Variants in SMYD3 observed in about 807,000 individuals in gnomAD.
SMYD3 encodes SET and MYND domain containing 3.
In SMYD3, 36 loss-of-function variants were observed where a neutral mutation model predicts 57.7. That is an observed-to-expected ratio of 0.62 (90% CI 0.48 to 0.82). The LOEUF is 0.82. SMYD3 is among the 40% of genes least tolerant of loss of function. The probability of loss-of-function intolerance (pLI) is 0.00; values close to 1 mark genes in which losing one functional copy is unlikely to be tolerated. For synonymous variants in SMYD3, 211 were observed against 195.0 expected (o/e 1.08, Z -0.68); for missense variants, 515 against 538.8 (o/e 0.96, Z 0.44).
At chr1:245,775,805 A>G (rs1182092344) in intron 10 of SMYD3, among the ~76,000 whole-genome samples, 4 of 152,210 alleles carry the variant, frequency 2.6e-5, no homozygotes, top group Non-Finnish European at 5.9e-5. Flanking sequence ...GATAAAGATG[A>G]AATAAAAATA....
intron 5 of SMYD3, among the ~76,000 whole-genome samples, chr1:246,101,420 G>A (rs568668548): frequency 6.6e-6 from 1 of 152,170 alleles, no homozygotes; most frequent in African/African-American, 2.4e-5. Flanking sequence ...GCACAAAATG[G>A]CTGTTCCTTC....
chr1:246,507,142 G>T lies in SMYD3; in HGVS notation c.76C>A (p.Pro26Thr), dbSNP rs1053726418. 3 of 1,533,776 alleles carry T rather than the reference G, an allele frequency of 2.0e-6. No individual in the cohort carries two copies. The highest frequency in any genetic ancestry group is 2.6e-6 in the Non-Finnish European group (3 of 1,140,362). ...TCCGAGCGGAAGAGTAGCTCTCCGGGGCGCAGCGGGGTCACGGCGCGCAGC... is the reference window on the plus strand; with the variant it reads ...TCCGAGCGGAAGAGTAGCTCTCCGGTGCGCAGCGGGGTCACGGCGCGCAGC... ...NGLRAVTPLR[P>T]GELLFRSDPL... Residue 26 changes from proline to threonine, a missense_variant, in exon 1 of 12, where the codon CCC becomes ACC. By Grantham distance (38) the Pro-to-Thr change is conservative. Coordinates refer to ENST00000490107, the MANE Select transcript of SMYD3 (RefSeq NM_001167740.2).
At chr1:245,752,370 A>C (rs898399062) in intron 11 of SMYD3, among the ~76,000 whole-genome samples, 1 of 152,110 alleles carries the variant, frequency 6.6e-6, no homozygotes, top group Non-Finnish European at 1.5e-5. Flanking sequence ...GTTGCTCAGA[A>C]TTTCCAGACC....
intron 5 of SMYD3, chr1:246,326,909 AT>A (rs1201929458): frequency 2.4e-6 from 1 of 420,114 alleles, no homozygotes; most frequent in Admixed American, 4.3e-5. Flanking sequence ...GGGATATGCT[AT>A]TTTCTTCTGA....
chr1:245,867,638 ATGTGCATGCGCGTGCG>A lies in SMYD3; in HGVS notation c.814-3768_814-3753del, dbSNP rs954514463. ...GGTGGAACACACGGCAAGAGAAGAT[ATGTGCATGCGCGTGCG>A]TGTGCGTGCGCGCGCACACACACAC... On this transcript the variant is annotated intron_variant, in intron 8 of 11. Transcript: ENST00000490107. 2.9e-3 allele frequency among the ~76,000 whole-genome samples: 276 copies of A among 94,114 alleles called. 1 individual carries two copies. The highest frequency in any genetic ancestry group is 7.0e-3 in the African/African-American group (247 of 35,090). 61.7% of individuals were successfully genotyped at this position (94,114 alleles called of 152,430 possible).
chr1:246,283,211 T>C (rs773744859), intron 5 of SMYD3, among the ~76,000 whole-genome samples: 40 of 152,212 alleles, frequency 2.6e-4, no homozygotes, highest in Non-Finnish European at 4.9e-4. Context: ...GTTCTACAAA[T>C]GTAATCTTGG....
chr1:246,187,926 G>C (rs1211141291), intron 5 of SMYD3, among the ~76,000 whole-genome samples: 1 of 151,636 alleles, frequency 6.6e-6, no homozygotes, highest in Non-Finnish European at 1.5e-5. Flanking sequence ...TCGTATCAAT[G>C]GTCTTGGTGG....
rs11433640 is a variant in SMYD3, at chr1:246,202,013, T to TAA, written c.531+125186_531+125187dup. 8.2e-5 allele frequency among the ~76,000 whole-genome samples: 11 copies of TAA among 134,832 alleles called. No individual in the cohort carries two copies. The highest frequency in any genetic ancestry group is 3.0e-4 in the African/African-American group (11 of 37,072). 88.5% of individuals were successfully genotyped at this position (134,832 alleles called of 152,430 possible). A position where few individuals can be genotyped will look rare whatever the true frequency, so the allele number is the denominator to read the frequency against. ...GGGCAACAGAGACTCTGTCTCAATT[T>TAA]AAAAAAAAAAAACAAAAAAAAGCCA... On this transcript the variant is annotated intron_variant, in intron 5 of 11. Transcript: ENST00000490107. This position sits in a 1 kb window ranked among gnomAD's most constrained non-coding sequence, Gnocchi z 4.1.
chr1:246,475,175 A>G (rs918113967), intron 1 of SMYD3, among the ~76,000 whole-genome samples: 1 of 151,786 alleles, frequency 6.6e-6, no homozygotes, highest in African/African-American at 2.4e-5. Context: ...CGACTAAAAC[A>G]CAAAAAATTA....
chr1:246,211,589 T>C (rs992034469), intron 5 of SMYD3, among the ~76,000 whole-genome samples: 15 of 152,174 alleles, frequency 9.9e-5, no homozygotes, highest in African/African-American at 3.1e-4. Flanking sequence ...ATATTTACCT[T>C]AGGAAAAAGG....
At chr1:246,140,271 G>A (rs1309601814) in intron 5 of SMYD3, among the ~76,000 whole-genome samples, 1 of 152,194 alleles carries the variant, frequency 6.6e-6, no homozygotes, top group Non-Finnish European at 1.5e-5. Flanking sequence ...CTTTGGATGT[G>A]CATTATTTTG....
chr1:245,968,821 A>G (rs1381026592), intron 5 of SMYD3, among the ~76,000 whole-genome samples: 1 of 152,158 alleles, frequency 6.6e-6, no homozygotes, highest in Non-Finnish European at 1.5e-5. Flanking sequence ...TGTAAATTTC[A>G]GCCTTCTCAG....
chr1:246,000,985 C>A (rs1425940720), intron 5 of SMYD3, among the ~76,000 whole-genome samples: 1 of 152,172 alleles, frequency 6.6e-6, no homozygotes, highest in African/African-American at 2.4e-5. Context: ...TCCTTAATTT[C>A]TAAAGTTCTG....
At chr1:246,344,626 C>G (rs1413940631) in intron 2 of SMYD3, among the ~76,000 whole-genome samples, 1 of 152,090 alleles carries the variant, frequency 6.6e-6, no homozygotes, top group South Asian at 2.1e-4. Flanking sequence ...AGTAAGTACA[C>G]CTTTAACATT....
At chr1:246,208,327 T>C (rs1018608947) in intron 5 of SMYD3, among the ~76,000 whole-genome samples, 4 of 152,080 alleles carry the variant, frequency 2.6e-5, no homozygotes, top group Admixed American at 6.5e-5. Context: ...GAGGAGCTGA[T>C]ATGACTGTAA....
At chr1:246,396,682 G>A (rs1360601549) in intron 1 of SMYD3, among the ~76,000 whole-genome samples, 1 of 152,084 alleles carries the variant, frequency 6.6e-6, no homozygotes. Flanking sequence ...CTGAATCATG[G>A]GGCACATTCC....
intron 5 of SMYD3, among the ~76,000 whole-genome samples, chr1:245,942,310 A>G (rs1447509208): frequency 2.0e-5 from 3 of 152,228 alleles, no homozygotes; most frequent in African/African-American, 7.2e-5. Flanking sequence ...GAAAGCAGAA[A>G]AAAAGCAGGC....
At chr1:246,421,106 G>A (rs1375230980) in intron 1 of SMYD3, among the ~76,000 whole-genome samples, 1 of 152,090 alleles carries the variant, frequency 6.6e-6, no homozygotes, top group East Asian at 1.9e-4. Flanking sequence ...AACTGGCAAG[G>A]AATAATCGAA....
intron 5 of SMYD3, among the ~76,000 whole-genome samples, chr1:246,132,016 G>C (rs755478603): frequency 1.3e-5 from 2 of 152,098 alleles, no homozygotes; most frequent in Non-Finnish European, 2.9e-5. Context: ...ACTGAAAAAT[G>C]AATGTTGAAA....
Sources: allele counts gnomAD v4.1 joint callset (sites outside exome capture counted in the v4.1 genomes callset), GRCh38; gene constraint gnomAD v4.1.1; non-coding constraint Gnocchi (gnomAD v3.1); transcripts MANE v1.5; gene names NCBI Gene and HGNC (gene_info 2026-07-23, HGNC 2026-07-21).